The following ZMYM1 variants were observed in gnomAD, a reference collection of about 807,000 sequenced individuals.
ZMYM1 encodes the protein zinc finger MYM-type protein 1.
In ZMYM1, 39 loss-of-function variants were observed where a neutral mutation model predicts 60.0. The ratio of observed to expected loss-of-function variants is 0.65; its 90% CI spans 0.50 to 0.85. The LOEUF (loss-of-function observed/expected upper bound fraction) is 0.85. ZMYM1 is among the 40% of genes least tolerant of loss of function. The pLI, the probability that ZMYM1 is intolerant of heterozygous loss-of-function variation, is 0.00. For missense variants in ZMYM1, 1,171 were observed against 1,309.5 expected, an observed-to-expected ratio of 0.89 and a Z score of 1.63; for synonymous variants, 413 against 454.0, an observed-to-expected ratio of 0.91 and a Z score of 1.15.
chr1:35,089,719 A>G (rs921730874), intron 1 of ZMYM1, among the ~76,000 whole-genome samples: 2 of 143,014 alleles, frequency 1.4e-5, no homozygotes, highest in South Asian at 2.2e-4. Context: ...TCTGCCCTCC[A>G]TAATGATTAG....
chr1:35,095,129 A>T (rs1248305150), intron 2 of ZMYM1, among the ~76,000 whole-genome samples: 3 of 151,948 alleles, frequency 2.0e-5, no homozygotes, highest in Non-Finnish European at 4.4e-5. Flanking sequence ...GCTCTGAAAA[A>T]ATTGTCCTTT....
chr1:35,102,867 C>G lies in ZMYM1; in HGVS notation c.420-1428C>G, dbSNP rs368411375. On this transcript the variant is annotated intron_variant, in intron 4 of 9. Coordinates refer to ENST00000359858, the MANE Select transcript of ZMYM1 (RefSeq NM_024772.5). ...GGAATTTTTTTTTCTCACCCTACCA[C>G]TTGGCCAAGACAGAATATTTTTTAA... 7.9e-5 allele frequency among the ~76,000 whole-genome samples: 12 copies of G among 152,260 alleles called. No homozygotes were observed. In the East Asian group the frequency reaches 1.9e-3, roughly 24 times the overall value.
At chr1:35,072,262 C>T (rs995866060) in intron 1 of ZMYM1, among the ~76,000 whole-genome samples, 4 of 152,122 alleles carry the variant, frequency 2.6e-5, no homozygotes, top group African/African-American at 9.7e-5. Flanking sequence ...TTGCTCTGTT[C>T]AGATTTTCTA....
intron 1 of ZMYM1, among the ~76,000 whole-genome samples, chr1:35,085,668 G>A (rs1642615826): frequency 6.6e-6 from 1 of 152,216 alleles, no homozygotes; most frequent in Non-Finnish European, 1.5e-5. Flanking sequence ...TCCTTGAACA[G>A]TCATTCCTAG....
At chr1:35,098,486 A>C (rs184971863) in intron 4 of ZMYM1, among the ~76,000 whole-genome samples, 103 of 152,332 alleles carry the variant, frequency 6.8e-4, no homozygotes, top group African/African-American at 2.4e-3. Flanking sequence ...ATTTCTTTCA[A>C]ATAATACTTG....
At chr1:35,074,104 T>C (rs1294739296) in intron 1 of ZMYM1, among the ~76,000 whole-genome samples, 1 of 152,212 alleles carries the variant, frequency 6.6e-6, no homozygotes, top group Non-Finnish European at 1.5e-5. Context: ...AATTTTTTAA[T>C]TTCCACTTTA....
At chr1:35,100,142 C>T (rs12122039) in intron 4 of ZMYM1, among the ~76,000 whole-genome samples, 1 of 151,916 alleles carries the variant, frequency 6.6e-6, no homozygotes, top group African/African-American at 2.4e-5. Flanking sequence ...CTGCTTTCCT[C>T]GGCCTCCCAA....
In ZMYM1 at chr1:35,108,313, G is replaced by A. The variant is rs149394248; in HGVS notation, c.808-1981G>A. ...TCTCACAGAAAAATAAAACGTATAT[G>A]TATTTTTTTGTCTTTGTACTTTGGT... On this transcript the variant is annotated intron_variant, in intron 6 of 9. Transcript: ENST00000359858. Among the ~76,000 whole-genome samples, 853 of 152,140 alleles carry A rather than the reference G, an allele frequency of 5.6e-3. 4 individuals carry two copies. Among genetic ancestry groups the A allele is most frequent in the Non-Finnish European group, 8.5e-3 (577 of 67,990 alleles).
upstream of ZMYM1, among the ~76,000 whole-genome samples, chr1:35,074,624 G>C (rs925408166): frequency 6.6e-6 from 1 of 151,866 alleles, no homozygotes; most frequent in Non-Finnish European, 1.5e-5. Flanking sequence ...GGCCAGGCTG[G>C]TCTTGAACTC....
chr1:35,077,877 G>A (rs914811305), upstream of ZMYM1, among the ~76,000 whole-genome samples: 12 of 152,160 alleles, frequency 7.9e-5, no homozygotes, highest in African/African-American at 2.9e-4. Context: ...GCAATTCCCC[G>A]TCTTGATAAA....
chr1:35,090,480 AC>A, intron 1 of ZMYM1, among the ~76,000 whole-genome samples: 1 of 152,320 alleles, frequency 6.6e-6, no homozygotes, highest in East Asian at 1.9e-4. Flanking sequence ...GCATGTGTAT[AC>A]CTATATAACA....
chr1:35,105,126 C>CTTTTTTTTTTTT (rs1029051953), intron 6 of ZMYM1, among the ~76,000 whole-genome samples: 7 of 96,578 alleles, frequency 7.2e-5, no homozygotes, highest in South Asian at 3.5e-4. Flanking sequence ...TTATTTCTTT[C>CTTTTTTTTTTTT]TTTTTTTTTT....
chr1:35,104,445 C>T lies in ZMYM1; in HGVS notation c.570C>T (p.Cys190=). The change falls in exon 5 of 10, where the codon TGC becomes TGT. Residue 190 remains cysteine, a synonymous_variant. Coordinates refer to ENST00000359858, the MANE Select transcript of ZMYM1 (RefSeq NM_024772.5). Reference sequence around the variant, plus strand: ...GTACTAATAGCATTTTGACCAAGTGCAGCATGTGCCAGAAGACTGCTATTG... The same window carrying T: ...GTACTAATAGCATTTTGACCAAGTGTAGCATGTGCCAGAAGACTGCTATTG... ...TICTNSILTK[C]SMCQKTAIIQ... 1 of 1,610,282 alleles carries T rather than the reference C, an allele frequency of 6.2e-7. No homozygotes were observed. Among genetic ancestry groups the T allele is most frequent in the Non-Finnish European group, 8.5e-7 (1 of 1,177,746 alleles).
intron 1 of ZMYM1, among the ~76,000 whole-genome samples, chr1:35,061,619 AC>A: frequency 6.6e-6 from 1 of 151,638 alleles, no homozygotes; most frequent in East Asian, 2.0e-4. Flanking sequence ...TAGTAAAAAA[AC>A]AAAAAATTAG....
chr1:35,069,083 C>T (rs993100290), intron 1 of ZMYM1, among the ~76,000 whole-genome samples: 1 of 152,196 alleles, frequency 6.6e-6, no homozygotes, highest in African/African-American at 2.4e-5. Context: ...ATCTGCCTGC[C>T]TCAGCCTCCC....
chr1:35,065,160 A>C (rs549076991), intron 1 of ZMYM1, among the ~76,000 whole-genome samples: 1 of 152,186 alleles, frequency 6.6e-6, no homozygotes, highest in East Asian at 1.9e-4. Flanking sequence ...TTTTATATGT[A>C]GGTTTTCTCC....
In ZMYM1 at chr1:35,060,146, A is replaced by G. The variant is rs201123876; in HGVS notation, c.-301+221A>G. Among the ~76,000 whole-genome samples, 542 of 87,788 alleles carry G rather than the reference A, an allele frequency of 6.2e-3. 4 individuals are homozygous for G. The highest frequency in any genetic ancestry group is 8.5e-3 in the Admixed American group (84 of 9,868). 57.6% of individuals were successfully genotyped at this position (87,788 alleles called of 152,430 possible). On this transcript the variant is annotated intron_variant, in intron 1 of 10. Coordinates refer to the ZMYM1 transcript ENST00000417119. ...CATGGGGGAAATACTATTTGTTGTTATTATTATTATTATTATTATTATTAT... is the reference window on the plus strand; with the variant it reads ...CATGGGGGAAATACTATTTGTTGTTGTTATTATTATTATTATTATTATTAT...
intron 2 of ZMYM1, 128 bp downstream of exon 2, chr1:35,094,211 A>T (rs986494761): frequency 1.5e-6 from 1 of 680,250 alleles, no homozygotes; most frequent in African/African-American, 1.8e-5. Context: ...TTAATTAAAT[A>T]ATACAAGGTA....
chr1:35,093,618 A>G (rs1643150406), intron 1 of ZMYM1, among the ~76,000 whole-genome samples: 3 of 152,138 alleles, frequency 2.0e-5, no homozygotes, highest in Admixed American at 2.0e-4. Context: ...ATTTTCTCCT[A>G]TTGAAAAGTT....
Sources: gnomAD v4.1 joint callset for allele counts (sites outside exome capture counted in the v4.1 genomes callset) on GRCh38, gnomAD v4.1.1 for gene constraint, MANE v1.5 for transcripts, NCBI Gene and HGNC (gene_info 2026-07-23, HGNC 2026-07-21) for gene names.